AP1AR: variants seen among roughly 807,000 people sequenced by gnomAD.
AP1AR encodes the protein AP-1 complex-associated regulatory protein.
A neutral mutation model predicts 46.3 loss-of-function variants in AP1AR; 29 were observed. That is an observed-to-expected ratio of 0.63 (90% CI 0.47 to 0.85). AP1AR has a LOEUF of 0.85. Among genes scored for constraint, AP1AR ranks in the 40% least tolerant of loss-of-function variants. The probability of loss-of-function intolerance (pLI) is 0.00; values close to 1 mark genes in which losing one functional copy is unlikely to be tolerated. For missense variants in AP1AR, 357 were observed against 356.3 expected, an observed-to-expected ratio of 1.00 and a Z score of -0.02; for synonymous variants, 122 against 122.9, an observed-to-expected ratio of 0.99 and a Z score of 0.05.
At chr4:112,235,382 G>A (rs1055355447) in intron 1 of AP1AR, among the ~76,000 whole-genome samples, 1 of 152,126 alleles carries the variant, frequency 6.6e-6, no homozygotes, top group Non-Finnish European at 1.5e-5. Flanking sequence ...TTATAGAAAG[G>A]TAAACCATAT....
intron 1 of AP1AR, among the ~76,000 whole-genome samples, chr4:112,240,664 A>G (rs1236770226): frequency 6.6e-6 from 1 of 152,084 alleles, no homozygotes; most frequent in African/African-American, 2.4e-5. Flanking sequence ...CATCTCTTTT[A>G]TCTGCTTGGA....
rs1262614120 is a variant in AP1AR at position 112,231,914 on chromosome 4, TGTTCCCTAGCGCCTCGTCTTTC to T, written c.-175_-154del. ...CGGCCGCTGGAGTAAACACTGCCTT[TGTTCCCTAGCGCCTCGTCTTTC>T]GTCGCCCCGTGCCCTCACGCCGCCG... On this transcript the variant is annotated 5_prime_UTR_variant, in exon 1 of 10. Transcript: ENST00000274000. The T allele has an allele frequency of 4.4e-6, 2 of 459,004 alleles. No homozygotes were observed. Among genetic ancestry groups the T allele is most frequent in the Non-Finnish European group, 7.2e-6 (2 of 275,886 alleles). 28.4% of individuals were successfully genotyped at this position (459,004 alleles called of 1,614,324 possible).
chr4:112,253,354 A>G, intron 2 of AP1AR, 98 bp downstream of exon 2: 2 of 840,860 alleles, frequency 2.4e-6, no homozygotes, highest in Non-Finnish European at 3.9e-6. Flanking sequence ...CAAATTTAGA[A>G]TGGACTGTTT....
intron 4 of AP1AR, among the ~76,000 whole-genome samples, chr4:112,258,518 A>G (rs1726302362): frequency 6.6e-6 from 1 of 152,146 alleles, no homozygotes; most frequent in Non-Finnish European, 1.5e-5. Flanking sequence ...AGAACATTCT[A>G]GGGAACCTTA....
At chr4:112,249,426 G>A (rs1228921370) in intron 1 of AP1AR, among the ~76,000 whole-genome samples, 4 of 151,882 alleles carry the variant, frequency 2.6e-5, no homozygotes, top group East Asian at 1.9e-4. Context: ...TTGGGAGGCC[G>A]AGGTGGGTGG....
At position 112,266,884 on chromosome 4, in the gene AP1AR, A is replaced by G. The variant is rs1356345851; in HGVS notation, c.643+168A>G. On this transcript the variant is annotated intron_variant, in intron 9 of 9. Transcript: ENST00000274000. The stretch of plus-strand genomic sequence containing the variant: ...TTGGTGATGATCTCTGTTGATAAAA[A>G]TTTTTAGAAAATTGCTTAATTTTTA... The G allele has an allele frequency of 5.4e-6, 3 of 557,010 alleles. No individual in the cohort carries two copies. In the East Asian group the frequency reaches 1.1e-4, roughly 21 times the overall value. The allele number at this position is 557,010 out of a possible 1,614,324, so 34.5% of individuals were successfully genotyped here. A position where few individuals can be genotyped will look rare whatever the true frequency, so the allele number is the denominator to read the frequency against.
intron 1 of AP1AR, among the ~76,000 whole-genome samples, chr4:112,242,616 C>T (rs757192851): frequency 3.3e-5 from 5 of 152,140 alleles, no homozygotes; most frequent in Admixed American, 6.6e-5. Context: ...GAGGGAGTGC[C>T]AGGCTCTTTT....
intron 1 of AP1AR, among the ~76,000 whole-genome samples, chr4:112,237,611 C>A (rs1319576529): frequency 6.6e-6 from 1 of 151,946 alleles, no homozygotes; most frequent in Admixed American, 6.6e-5. Context: ...CAGGCCACCA[C>A]GCTTGGCTAA....
chr4:112,238,529 T>G (rs1725349945), intron 1 of AP1AR, among the ~76,000 whole-genome samples: 1 of 152,168 alleles, frequency 6.6e-6, no homozygotes, highest in Non-Finnish European at 1.5e-5. Context: ...TGTTTTTCAG[T>G]TTTGAAAAAA....
chr4:112,232,124 A>G lies in AP1AR; in HGVS notation c.33A>G (p.Gly11=), dbSNP rs368298902. 5.4e-5 allele frequency: 70 copies of G among 1,293,648 alleles called. No homozygotes were observed. Among genetic ancestry groups the G allele is most frequent in the Middle Eastern group, 4.3e-4 (2 of 4,610 alleles). The allele number at this position is 1,293,648 out of a possible 1,614,324, so 80.1% of individuals were successfully genotyped here. The change falls in exon 1 of 10, where the codon GGA becomes GGG. Residue 11 remains glycine, a synonymous_variant. Coordinates refer to ENST00000274000, the MANE Select transcript of AP1AR (RefSeq NM_018569.6). ...ACTGCTGCTGGACGCAGTGCTTCGG[A>G]CTGCTTCGCAAGGAAGCGGGGCGGC... MGNCCWTQCF[G]LLRKEAGRLQ... is the part of the protein sequence containing the mutation.
intron 1 of AP1AR, among the ~76,000 whole-genome samples, chr4:112,234,938 A>G (rs528273391): frequency 2.0e-5 from 3 of 152,260 alleles, no homozygotes; most frequent in African/African-American, 7.2e-5. Flanking sequence ...CTCGTTTTTT[A>G]CTATTTTAAT....
intron 1 of AP1AR, among the ~76,000 whole-genome samples, chr4:112,234,157 C>G (rs1323563323): frequency 6.6e-6 from 1 of 152,208 alleles, no homozygotes; most frequent in Non-Finnish European, 1.5e-5. Flanking sequence ...CCGCGCCCGG[C>G]CAGCAGGTTG....
At chr4:112,255,995 G>A (rs1417609685) in intron 3 of AP1AR, among the ~76,000 whole-genome samples, 1 of 149,490 alleles carries the variant, frequency 6.7e-6, no homozygotes, top group Non-Finnish European at 1.5e-5. Context: ...TGTCGTTTTT[G>A]TTTTCTAGGG....
rs549720490 is a variant in AP1AR, at chr4:112,236,541, C to T, written c.83+4367C>T. On this transcript the variant is annotated intron_variant, in intron 1 of 9. Transcript: ENST00000274000. ...TCAGCTCCGCAAGTAGCTGGGATTA[C>T]AGGCACCCACCACCATGCCTGGCTA... Among the ~76,000 whole-genome samples the T allele has an allele frequency of 5.3e-5, 8 of 152,144 alleles. No homozygotes were observed. In the East Asian group the frequency reaches 1.5e-3, roughly 29 times the overall value.
intron 1 of AP1AR, among the ~76,000 whole-genome samples, chr4:112,247,389 G>A (rs1725770057): frequency 6.6e-6 from 1 of 152,228 alleles, no homozygotes; most frequent in Non-Finnish European, 1.5e-5. Flanking sequence ...TTGGGCTGAT[G>A]TTTATGTTAA....
intron 1 of AP1AR, among the ~76,000 whole-genome samples, chr4:112,234,906 G>T (rs190997613): frequency 3.4e-4 from 51 of 152,180 alleles, no homozygotes; most frequent in Non-Finnish European, 5.6e-4. Flanking sequence ...ACATACCCCT[G>T]AGAAATCTGA....
chr4:112,254,598 T>C (rs893074904), intron 2 of AP1AR, 149 bp from the exon 3 acceptor site: 1 of 453,460 alleles, frequency 2.2e-6, no homozygotes, highest in Non-Finnish European at 4.0e-6. Context: ...ATATATCAAA[T>C]GAAATGATGT....
chr4:112,264,089 T>C (rs1726570627), intron 6 of AP1AR, among the ~76,000 whole-genome samples: 1 of 152,190 alleles, frequency 6.6e-6, no homozygotes, highest in African/African-American at 2.4e-5. Context: ...TTTTTCCCTC[T>C]CTCTCTCTGC....
rs1726936092 is a variant in AP1AR at position 112,271,217 on chromosome 4, T to C, written c.*2808T>C. ...ATCGTGATCCTCTCTGGATCCTCCA[T>C]GGCAAGATAGGCCATCGTAAAGGAG... On this transcript the variant is annotated 3_prime_UTR_variant, in exon 10 of 10. Coordinates refer to ENST00000274000, the MANE Select transcript of AP1AR (RefSeq NM_018569.6). 1.3e-5 allele frequency among the ~76,000 whole-genome samples: 2 copies of C among 152,210 alleles called. No individual in the cohort carries two copies. The highest frequency in any genetic ancestry group is 4.8e-5 in the African/African-American group (2 of 41,458).
Sources: allele counts gnomAD v4.1 joint callset (sites outside exome capture counted in the v4.1 genomes callset), GRCh38; gene constraint gnomAD v4.1.1; transcripts MANE v1.5; gene names NCBI Gene and HGNC (gene_info 2026-07-23, HGNC 2026-07-21).